The following ADGRF5 variants were observed in gnomAD, a reference collection of about 807,000 sequenced individuals.
ADGRF5 encodes G-protein coupled receptor 116.
In ADGRF5, 75 loss-of-function variants were observed where a neutral mutation model predicts 132.3. The observed-to-expected ratio is 0.57, with a 90% CI of 0.47 to 0.69. The LOEUF is 0.69. Ranked by LOEUF, ADGRF5 falls within the 30% of genes least tolerant of loss-of-function variation. The pLI is 0.00. For synonymous variants in ADGRF5, 629 were observed against 597.6 expected, an observed-to-expected ratio of 1.05 and a Z score of -0.77; for missense variants, 1,516 against 1,630.6, an observed-to-expected ratio of 0.93 and a Z score of 1.21.
chr6:46,862,917 G>C lies in ADGRF5; in HGVS notation c.2170C>G (p.Pro724Ala), dbSNP rs916485655. Residue 724 changes from proline (P) to alanine (A), a missense_variant, in exon 15 of 21, where the codon CCA becomes GCA. Transcript: ENST00000283296. ...GCCATCTGGAGCAGACTGTTTATTG[G>C]GGCAGAGATGCAGTCATTTCTCTTC... The part of the protein sequence containing the change: ...EEKRNDCISA[P>A]INSLLQMAKA... The C allele has an allele frequency of 5.6e-6, 9 of 1,612,106 alleles. No individual in the cohort carries two copies. The highest frequency in any genetic ancestry group is 7.6e-6 in the Non-Finnish European group (9 of 1,179,172).
At chr6:46,941,838 A>T (rs1218087037) in intron 1 of ADGRF5, among the ~76,000 whole-genome samples, 1 of 152,144 alleles carries the variant, frequency 6.6e-6, no homozygotes, top group Non-Finnish European at 1.5e-5. Flanking sequence ...ATGCTTCATT[A>T]TCAGGGCTTC....
At position 46,884,199 on chromosome 6, in the gene ADGRF5, A is replaced by T; in HGVS notation, c.401T>A (p.Leu134His). ...TGYGWPRERC[L>H]HNLICQERDV... ...ACGCTCTTGACAAATGAGATTGTGAAGACACCTTTCCCGAGGCCACCCATA... is the reference window on the plus strand; with the variant it reads ...ACGCTCTTGACAAATGAGATTGTGATGACACCTTTCCCGAGGCCACCCATA... The change falls in exon 5 of 21, where the codon CTT becomes CAT. Residue 134 changes from leucine (L) to histidine (H), a missense_variant. Transcript: ENST00000283296. 1 of 1,614,138 alleles carries T rather than the reference A, an allele frequency of 6.2e-7. No individual in the cohort carries two copies. The highest frequency in any genetic ancestry group is 8.5e-7 in the Non-Finnish European group (1 of 1,179,954).
chr6:46,924,886 T>G (rs561299576), upstream of ADGRF5, among the ~76,000 whole-genome samples: 25 of 152,368 alleles, frequency 1.6e-4, no homozygotes, highest in Non-Finnish European at 3.4e-4. Flanking sequence ...ATGCATAGTC[T>G]GGCACTTCTT....
intron 1 of ADGRF5, among the ~76,000 whole-genome samples, chr6:46,943,757 C>A (rs1207341328): frequency 6.6e-6 from 1 of 152,114 alleles, no homozygotes; most frequent in African/African-American, 2.4e-5. Context: ...AATCCCAAAC[C>A]CAGTTCTTGT....
At position 46,859,095 on chromosome 6, in the gene ADGRF5, G is replaced by T; in HGVS notation, c.2808C>A (p.Phe936Leu). ...TTVSHNTTMP[F>L]RISMTFKNNS... ...TGTTCTTAAAAGTCATTGAAATCCT[G>T]AATGGCATAGTTGTATTGTGGCTGA... is the stretch of plus-strand genomic sequence containing the variant. The change falls in exon 17 of 21, where the codon TTC (phenylalanine) becomes TTA (leucine). Residue 936 changes from phenylalanine (F) to leucine (L), a missense_variant. Around this residue, in one of 2 missense-constraint regions of ADGRF5, gnomAD observed 571 missense variants for 701.2 expected, o/e 0.81. Transcript: ENST00000283296. 2 of 1,613,828 alleles carry T rather than the reference G, an allele frequency of 1.2e-6. No individual in the cohort carries two copies. The highest frequency in any genetic ancestry group is 1.7e-6 in the Non-Finnish European group (2 of 1,179,714).
At chr6:46,883,521 A>T in intron 6 of ADGRF5, 38 bp downstream of exon 6, 1 of 1,001,828 alleles carries the variant, frequency 1.0e-6, no homozygotes, top group Non-Finnish European at 1.6e-6. Context: ...CAGTCCAAAC[A>T]GTTTGTTAGT....
chr6:46,854,118 A>C, intron 20 of ADGRF5, 47 bp from the exon 21 acceptor site: 1 of 1,387,506 alleles, frequency 7.2e-7, no homozygotes, highest in Non-Finnish European at 1.0e-6. Flanking sequence ...GCCATCATGA[A>C]CTCTGGGGTG....
chr6:46,884,851 C>T (rs1015328317), intron 4 of ADGRF5, among the ~76,000 whole-genome samples: 8 of 152,194 alleles, frequency 5.3e-5, no homozygotes, highest in Non-Finnish European at 8.8e-5. Flanking sequence ...CTGAGGTCTA[C>T]AGCCAATAGC....
intron 3 of ADGRF5, among the ~76,000 whole-genome samples, chr6:46,891,855 G>A (rs1307382858): frequency 6.6e-6 from 1 of 152,162 alleles, no homozygotes; most frequent in East Asian, 1.9e-4. Flanking sequence ...TCCTGCAGCT[G>A]TTAATGTGAG....
At chr6:46,925,545 T>C (rs1303404613), upstream of ADGRF5, among the ~76,000 whole-genome samples, 1 of 121,462 alleles carries the variant, frequency 8.2e-6, no homozygotes, top group Non-Finnish European at 1.7e-5. Context: ...TTACTTGAGG[T>C]CAGGAGTTCG....
chr6:46,903,285 A>G (rs1385962168), intron 2 of ADGRF5, among the ~76,000 whole-genome samples: 3 of 152,050 alleles, frequency 2.0e-5, no homozygotes, highest in African/African-American at 7.2e-5. Context: ...AGAGCTTCCA[A>G]TTGGACCTCC....
At chr6:46,855,166 G>A (rs1768895755) in intron 20 of ADGRF5, among the ~76,000 whole-genome samples, 1 of 152,184 alleles carries the variant, frequency 6.6e-6, no homozygotes, top group South Asian at 2.1e-4. Flanking sequence ...TATCTCCAAT[G>A]TAGAAATTTA....
At chr6:46,954,435 CAA>C (rs67742847) in intron 1 of ADGRF5, among the ~76,000 whole-genome samples, 7,899 of 95,702 alleles carry the variant, frequency 0.083, 282 homozygotes, top group African/African-American at 0.14. Context: ...ATGCAGAAGC[CAA>C]AAAAAAAAAA....
In ADGRF5 at chr6:46,860,853, T is replaced by C; in HGVS notation, c.2241A>G (p.Thr747=). 1 of 1,613,472 alleles carries C rather than the reference T, an allele frequency of 6.2e-7. No individual in the cohort carries two copies. ...KSPSQDEMLP[T]YLKDLSISID... ...TGCTAATAGAAAGATCCTTCAGGTA[T>C]GTAGGGAGCATCTCATCCTGAGAGG... The change falls in exon 16 of 21, where the codon ACA becomes ACG. Residue 747 remains threonine (T), a synonymous_variant. Coordinates refer to ENST00000283296, the MANE Select transcript of ADGRF5 (RefSeq NM_001098518.2).
intron 1 of ADGRF5, among the ~76,000 whole-genome samples, chr6:46,907,588 T>C (rs1206117734): frequency 2.0e-5 from 3 of 152,118 alleles, no homozygotes; most frequent in African/African-American, 4.8e-5. Context: ...ATTTTTGACA[T>C]TTTTTCACTT....
intron 6 of ADGRF5, among the ~76,000 whole-genome samples, chr6:46,882,504 T>A (rs530324800): frequency 6.6e-6 from 1 of 152,158 alleles, no homozygotes; most frequent in Non-Finnish European, 1.5e-5. Context: ...GACACAGATG[T>A]GTTGTGCCCC....
chr6:46,889,652 G>A (rs967158432), intron 3 of ADGRF5, among the ~76,000 whole-genome samples: 1 of 145,754 alleles, frequency 6.9e-6, no homozygotes, highest in Non-Finnish European at 1.5e-5. Flanking sequence ...GACTATGGTA[G>A]TCTATATTGA....
At chr6:46,921,250 C>T (rs931933048) in intron 1 of ADGRF5, among the ~76,000 whole-genome samples, 5 of 152,082 alleles carry the variant, frequency 3.3e-5, no homozygotes, top group Non-Finnish European at 5.9e-5. Flanking sequence ...CGAAGCTGAG[C>T]GAATAGCCAG....
chr6:46,953,618 G>GCAA lies in ADGRF5; in HGVS notation c.-25+1115_-25+1116insTTG, dbSNP rs1778579929. ...GGCGACAGAGTGAGACACAGTCTCAGAAAAAAAAAATTATATATATATAGA... is the reference window on the plus strand; with the variant it reads ...GGCGACAGAGTGAGACACAGTCTCAGCAAAAAAAAAAAATTATATATATATAGA... On this transcript the variant is annotated intron_variant, in intron 1 of 20. Transcript: ENST00000265417. 2.8e-5 allele frequency among the ~76,000 whole-genome samples: 3 copies of GCAA among 108,458 alleles called. 1 individual carries two copies. In the Admixed American group the frequency reaches 3.1e-4, roughly 11 times the overall value. 71.2% of individuals were successfully genotyped at this position (108,458 alleles called of 152,430 possible).
Sources: gnomAD v4.1 joint callset for allele counts (sites outside exome capture counted in the v4.1 genomes callset) on GRCh38, gnomAD v4.1.1 for gene constraint, gnomAD v4.1.1 regional missense constraint, MANE v1.5 for transcripts, NCBI Gene and HGNC (gene_info 2026-07-23, HGNC 2026-07-21) for gene names.